The following MTOR variants were observed in gnomAD, a reference collection of about 807,000 sequenced individuals.
The protein encoded by MTOR is mechanistic target of rapamycin kinase, also known as serine/threonine-protein kinase mTOR.
Under a neutral mutation model 319.8 loss-of-function variants are expected in MTOR, and 70 were observed. The ratio of observed to expected loss-of-function variants is 0.22; its 90% CI spans 0.18 to 0.27. MTOR has a LOEUF of 0.27. Among genes scored for constraint, MTOR ranks in the 10% least tolerant of loss-of-function variants. MTOR has a pLI of 1.00. For synonymous variants in MTOR, 1,183 were observed against 1,211.4 expected, an observed-to-expected ratio of 0.98 and a Z score of 0.49; for missense variants, 1,890 against 3,274.4, an observed-to-expected ratio of 0.58 and a Z score of 10.32.
chr1:11,194,827 T>C, intron 28 of MTOR: 1 of 1,612,724 alleles, frequency 6.2e-7, no homozygotes, highest in Non-Finnish European at 8.5e-7. Flanking sequence ...GTCAACTTAC[T>C]AGCACTGGGT....
intron 32 of MTOR, 90 bp from the exon 33 acceptor site, chr1:11,145,135 G>C (rs1643890435): frequency 1.8e-6 from 2 of 1,092,310 alleles, no homozygotes; most frequent in Admixed American, 4.3e-5. Flanking sequence ...GAAGTTATCT[G>C]TCTCACTTAA....
chr1:11,150,248 G>C (rs1212343969), intron 30 of MTOR, 22 bp from the exon 31 acceptor site: 1 of 1,597,266 alleles, frequency 6.3e-7, no homozygotes, highest in Non-Finnish European at 8.6e-7. Context: ...GAATTATATA[G>C]TCAGATTAAT....
intron 57 of MTOR, among the ~76,000 whole-genome samples, 164 bp from the exon 58 acceptor site, chr1:11,107,664 G>T (rs1034982270): frequency 6.6e-6 from 1 of 151,994 alleles, no homozygotes; most frequent in African/African-American, 2.4e-5. Context: ...TCCAGTCAAG[G>T]CTAATGCCCA....
chr1:11,124,122 GTC>G (rs1223035893), intron 47 of MTOR, among the ~76,000 whole-genome samples: 1 of 152,054 alleles, frequency 6.6e-6, no homozygotes, highest in Non-Finnish European at 1.5e-5. Context: ...TAGTGATGGG[GTC>G]TCTCTATGTT....
intron 1 of MTOR, among the ~76,000 whole-genome samples, chr1:11,260,105 TTAC>T (rs996808885): frequency 1.3e-5 from 2 of 152,108 alleles, no homozygotes; most frequent in African/African-American, 4.8e-5. Context: ...GCTATTATTA[TTAC>T]TACTACTACT....
chr1:11,233,303 T>C, intron 15 of MTOR, 95 bp downstream of exon 15: 2 of 1,175,950 alleles, frequency 1.7e-6, no homozygotes, highest in Non-Finnish European at 2.5e-6. Context: ...ATGTGAGACC[T>C]TTCATTTAAA....
chr1:11,199,449 G>A lies in MTOR; in HGVS notation c.4108-46C>T, dbSNP rs149482226. The A allele has an allele frequency of 1.2e-4, 195 of 1,614,028 alleles. No homozygotes were observed. The African/African-American group carries it at 2.2e-3, about 18-fold the overall frequency. On this transcript the variant is annotated intron_variant, in intron 27 of 57. Coordinates refer to ENST00000361445, the MANE Select transcript of MTOR (RefSeq NM_004958.4). This position sits in a 1 kb window ranked among gnomAD's most constrained non-coding sequence, Gnocchi z 4.5. ...ACAGCACAGGAAAATGGCAGATGGG[G>A]CACAAACAAGAGAAGGCTGTGTGGA...
chr1:11,231,307 C>T lies in MTOR; in HGVS notation c.2642G>A (p.Arg881His), dbSNP rs1375320238. The T allele has an allele frequency of 1.9e-6, 3 of 1,614,036 alleles. No individual in the cohort carries two copies. The highest frequency in any genetic ancestry group is 1.1e-5 in the South Asian group (1 of 91,080). ...GTTTGCCACGTCCCCTACCTCTCTG[C>T]GTGTACCCTGGTTCTGCTCAGTCTT... ...FLKTEQNQGT[R>H]REAIRVLGLL... The change falls in exon 17 of 58, where the codon CGC becomes CAC. Residue 881 changes from arginine (R) to histidine (H), a missense_variant. This residue lies in a region of MTOR where 377 missense variants were observed against 653.9 expected (regional missense o/e 0.58). Coordinates refer to ENST00000361445, the MANE Select transcript of MTOR (RefSeq NM_004958.4).
rs369643626 is a variant in MTOR at position 11,258,245 on chromosome 1, G to A, written c.271+240C>T. Among the ~76,000 whole-genome samples, 28 of 152,332 alleles carry A rather than the reference G, an allele frequency of 1.8e-4. 1 individual carries two copies. In the East Asian group the frequency reaches 2.3e-3, roughly 13 times the overall value. On this transcript the variant is annotated intron_variant, in intron 3 of 57. Transcript: ENST00000361445. The stretch of plus-strand genomic sequence containing the variant: ...AATATGAAGGAGTGGAAAGAAAGCT[G>A]GCTTCTAGTCTCAGCTCTGGTAAAC...
intron 30 of MTOR, among the ~76,000 whole-genome samples, chr1:11,151,164 A>G (rs1644128522): frequency 6.6e-6 from 1 of 152,164 alleles, no homozygotes; most frequent in South Asian, 2.1e-4. Flanking sequence ...GCTGAAGTCA[A>G]TCCCTGCAGA....
In MTOR at chr1:11,239,902, C is replaced by CAG. The variant is rs1491502494; in HGVS notation, c.1786+400_1786+401insCT. Among the ~76,000 whole-genome samples, 388 of 121,930 alleles carry CAG rather than the reference C, an allele frequency of 3.2e-3. 3 individuals carry two copies. Among genetic ancestry groups the CAG allele is most frequent in the African/African-American group, 0.013 (377 of 29,594 alleles). 80.0% of individuals were successfully genotyped at this position (121,930 alleles called of 152,430 possible). On this transcript the variant is annotated intron_variant, in intron 11 of 57. Transcript: ENST00000361445. ...CCTGGGCAACAGAGAGACTTTGTCT[C>CAG]AAAAAAAAAAAAAAAAGAAAGAAAA...
rs2100412273 is a variant in MTOR, at chr1:11,127,982, C to A, written c.6033+22G>T. On this transcript the variant is annotated intron_variant, in intron 43 of 57. Coordinates refer to ENST00000361445, the MANE Select transcript of MTOR (RefSeq NM_004958.4). This position sits in a 1 kb window ranked among gnomAD's most constrained non-coding sequence, Gnocchi z 5.5. ...AGCTAAGGGACCAGGGTCTATGAAG[C>A]CCCACAGTGGCTCCGACCCACCATC... 1 of 1,612,732 alleles carries A rather than the reference C, an allele frequency of 6.2e-7. No homozygotes were observed.
rs1642128747 is a variant in MTOR, at chr1:11,115,681, C to T, written c.7017-213G>A. On this transcript the variant is annotated intron_variant, in intron 50 of 57. Transcript: ENST00000361445. This position sits in a 1 kb window ranked among gnomAD's most constrained non-coding sequence, Gnocchi z 4.5. ...GTTCCAGGCTGCTTCCATGCTACGA[C>T]AGCAGAGCTGACTAGTTGTGACAGA... The T allele has an allele frequency of 1.9e-6, 1 of 531,714 alleles. No individual in the cohort carries two copies. The highest frequency in any genetic ancestry group is 3.4e-6 in the Non-Finnish European group (1 of 292,462). 32.9% of individuals were successfully genotyped at this position (531,714 alleles called of 1,614,324 possible).
At chr1:11,180,778 C>T (rs537602735) in intron 28 of MTOR, among the ~76,000 whole-genome samples, 141 of 149,700 alleles carry the variant, frequency 9.4e-4, no homozygotes, top group Admixed American at 3.2e-3. Flanking sequence ...AGAAATAAGG[C>T]AGGTTTTTTT....
chr1:11,156,522 T>A (rs1293563591), intron 30 of MTOR, among the ~76,000 whole-genome samples: 2 of 152,104 alleles, frequency 1.3e-5, no homozygotes, highest in Non-Finnish European at 2.9e-5. Context: ...CTCCTTTACC[T>A]ATCTCCTAAC....
chr1:11,244,554 C>T (rs1009604219), intron 8 of MTOR, among the ~76,000 whole-genome samples: 29 of 152,030 alleles, frequency 1.9e-4, no homozygotes, highest in African/African-American at 7.0e-4. Flanking sequence ...TCACTTGAAC[C>T]CGGGAGGCAG....
chr1:11,128,779 A>T lies in MTOR; in HGVS notation c.5811+76T>A. 1 of 1,301,570 alleles carries T rather than the reference A, an allele frequency of 7.7e-7. No homozygotes were observed. The highest frequency in any genetic ancestry group is 1.1e-6 in the Non-Finnish European group (1 of 907,422). The allele number at this position is 1,301,570 out of a possible 1,614,324, so 80.6% of individuals were successfully genotyped here. On this transcript the variant is annotated intron_variant, in intron 41 of 57. Transcript: ENST00000361445. The surrounding 1 kb of genome is among the most constrained non-coding windows in gnomAD (Gnocchi z 5.3). ...AACACACACTGCCTTGTGACACTGA[A>T]CACAGCATGCTTGTAAGAGGAGACA...
rs1642920524 is a variant in MTOR at position 11,127,872 on chromosome 1, A to C, written c.6034-66T>G. ...CTAACCTCAGAAAGGTCTGTTTTGG[A>C]GACACAGGAGGTACTATTTCCAGCA... On this transcript the variant is annotated intron_variant, in intron 43 of 57. Coordinates refer to ENST00000361445, the MANE Select transcript of MTOR (RefSeq NM_004958.4). This position sits in a 1 kb window ranked among gnomAD's most constrained non-coding sequence, Gnocchi z 5.5. 4 of 1,583,552 alleles carry C rather than the reference A, an allele frequency of 2.5e-6. No homozygotes were observed. The highest frequency in any genetic ancestry group is 1.3e-5 in the African/African-American group (1 of 74,166).
chr1:11,107,452 G>GA lies in MTOR; in HGVS notation c.*32dup, dbSNP rs1557732962. The GA allele has an allele frequency of 8.7e-6, 14 of 1,603,794 alleles. No individual in the cohort carries two copies. Among genetic ancestry groups the GA allele is most frequent in the African/African-American group, 1.3e-5 (1 of 74,144 alleles). The stretch of plus-strand genomic sequence containing the variant: ...CATTTACTAAAGTACAAAAGCCTCA[G>GA]AAAAAACGTGATGGGCACATCTGGG... On this transcript the variant is annotated 3_prime_UTR_variant, in exon 58 of 58. Coordinates refer to ENST00000361445, the MANE Select transcript of MTOR (RefSeq NM_004958.4).
Sources: allele counts gnomAD v4.1 joint callset (sites outside exome capture counted in the v4.1 genomes callset), GRCh38; gene constraint gnomAD v4.1.1; regional missense constraint gnomAD v4.1.1; non-coding constraint Gnocchi (gnomAD v3.1); transcripts MANE v1.5; gene names NCBI Gene and HGNC (gene_info 2026-07-23, HGNC 2026-07-21).